Variants in DELE1 observed in about 807,000 individuals in gnomAD.
DELE1 encodes the protein death ligand signal enhancer.
A neutral mutation model predicts 59.3 loss-of-function variants in DELE1; 54 were observed. That is an observed-to-expected ratio of 0.91 (90% confidence interval 0.73 to 1.14). The LOEUF (loss-of-function observed/expected upper bound fraction) is 1.14, where lower values mean the gene tolerates loss of function less well. DELE1 is among the 50% of genes most tolerant of loss of function. The probability of loss-of-function intolerance (pLI) is 0.00; values close to 1 mark genes in which losing one functional copy is unlikely to be tolerated. For synonymous variants in DELE1, 264 were observed against 259.1 expected (o/e 1.02, Z -0.18); for missense variants, 636 against 643.9 (o/e 0.99, Z 0.13).
At chr5:141,937,425 T>A in intron 11 of DELE1, 68 bp downstream of exon 11, 2 of 1,549,620 alleles carry the variant, frequency 1.3e-6, no homozygotes, top group South Asian at 1.1e-5. Context: ...GATAAGTAGG[T>A]AGCAGTAGTC....
chr5:141,923,985 C>T lies in DELE1; in HGVS notation c.31+13C>T. ...CTCCTGGGCCGAGGTAAGGGACGTCCAAGCAACCAGCGTCACTCTGGGCCG... is the reference window on the plus strand; with the variant it reads ...CTCCTGGGCCGAGGTAAGGGACGTCTAAGCAACCAGCGTCACTCTGGGCCG... On this transcript the variant is annotated intron_variant, in intron 1 of 11. Transcript: ENST00000432126. 1 of 1,608,816 alleles carries T rather than the reference C, an allele frequency of 6.2e-7. No individual in the cohort carries two copies. The highest frequency in any genetic ancestry group is 8.5e-7 in the Non-Finnish European group (1 of 1,177,794).
chr5:141,924,109 GA>G lies in DELE1; in HGVS notation c.31+139del, dbSNP rs1751166194. On this transcript the variant is annotated intron_variant, in intron 1 of 11. Coordinates refer to ENST00000432126, the MANE Select transcript of DELE1 (RefSeq NM_014773.5). ...AAGGCGGGGCTTGAAAGAGGGCGGG[GA>G]AGTCAGGGGCTGCTGGAATTTGAGA... The G allele has an allele frequency of 9.7e-6, 11 of 1,138,974 alleles. 1 individual carries two copies. The South Asian group carries it at 1.1e-4, about 11-fold the overall frequency. 70.6% of individuals were successfully genotyped at this position (1,138,974 alleles called of 1,614,324 possible).
chr5:141,926,260 A>G (rs1751413729), intron 3 of DELE1, among the ~76,000 whole-genome samples: 1 of 152,118 alleles, frequency 6.6e-6, no homozygotes, highest in Admixed American at 6.6e-5. Flanking sequence ...GGGAAATATC[A>G]CCTTCATTTT....
chr5:141,939,464 C>T lies in DELE1; in HGVS notation c.*705C>T, dbSNP rs535801780. 44 of 985,858 alleles carry T rather than the reference C, an allele frequency of 4.5e-5. No individual in the cohort carries two copies. In the East Asian group the frequency reaches 5.7e-4, roughly 13 times the overall value. The allele number at this position is 985,858 out of a possible 1,614,324, so 61.1% of individuals were successfully genotyped here. On this transcript the variant is annotated 3_prime_UTR_variant, in exon 12 of 12. Coordinates refer to ENST00000432126, the MANE Select transcript of DELE1 (RefSeq NM_014773.5). ...CCACCATTCACCTCTGTTCATCCCC[C>T]GTGGGCTCATAATCGTTTTCATTTC...
chr5:141,941,839 C>A lies in DELE1; in HGVS notation c.*3080C>A, dbSNP rs1752756814. The A allele has an allele frequency of 3.0e-6, 3 of 985,364 alleles. No homozygotes were observed. The highest frequency in any genetic ancestry group is 3.6e-6 in the Non-Finnish European group (3 of 829,916). 61.0% of individuals were successfully genotyped at this position (985,364 alleles called of 1,614,324 possible). On this transcript the variant is annotated 3_prime_UTR_variant, in exon 12 of 12. Coordinates refer to ENST00000432126, the MANE Select transcript of DELE1 (RefSeq NM_014773.5). ...GTGAGTGATTATACTCAACTCCCCC[C>A]ACCCAATGCCCAGCACCAAGCCTAC...
chr5:141,925,936 G>A (rs961669140), intron 3 of DELE1, among the ~76,000 whole-genome samples: 1 of 152,006 alleles, frequency 6.6e-6, no homozygotes, highest in African/African-American at 2.4e-5. Flanking sequence ...CTGAAGTGCA[G>A]CGGCATGATC....
chr5:141,937,441 TCTC>T (rs1043162518), intron 11 of DELE1, 84 bp downstream of exon 11: 6 of 1,489,062 alleles, frequency 4.0e-6, no homozygotes, highest in Non-Finnish European at 5.5e-6. Context: ...TAGTCTCTGG[TCTC>T]CTAGTCATTT....
In DELE1 at chr5:141,925,400, C is replaced by T. The variant is rs779713624; in HGVS notation, c.147-10C>T. 22 of 1,545,992 alleles carry T rather than the reference C, an allele frequency of 1.4e-5. No homozygotes were observed. The highest frequency in any genetic ancestry group is 1.9e-5 in the Non-Finnish European group (22 of 1,142,518). ...GCCCCTACTTGATAGCCTCTTATTT[C>T]ATCATCTAGGTCAGGTCCCCATGGC... is the stretch of plus-strand genomic sequence containing the variant. On this transcript the variant is annotated splice_polypyrimidine_tract_variant and intron_variant, in intron 2 of 11. Transcript: ENST00000432126.
chr5:141,934,037 A>G (rs1395929469), intron 8 of DELE1, among the ~76,000 whole-genome samples: 1 of 152,136 alleles, frequency 6.6e-6, no homozygotes, highest in Admixed American at 6.5e-5. Flanking sequence ...TTTAAGCAAG[A>G]ATGATCTTTA....
intron 7 of DELE1, 94 bp from the exon 8 acceptor site, chr5:141,933,161 AAGGG>A (rs1752072732): frequency 2.9e-6 from 2 of 691,914 alleles, no homozygotes; most frequent in Non-Finnish European, 4.2e-6. Context: ...CAAAAAAAGA[AAGGG>A]AGGAGGATCA....
rs1465703649 is a variant in DELE1 at position 141,930,270 on chromosome 5, C to A, written c.750C>A (p.Phe250Leu). 2 of 1,611,080 alleles carry A rather than the reference C, an allele frequency of 1.2e-6. No homozygotes were observed. Among genetic ancestry groups the A allele is most frequent in the Non-Finnish European group, 8.5e-7 (1 of 1,177,180 alleles). The change falls in exon 7 of 12, where the codon TTC becomes TTA. Residue 250 changes from phenylalanine to leucine, a missense_variant. Physicochemically the swap from Phe to Leu is conservative, Grantham distance 22. Coordinates refer to ENST00000432126, the MANE Select transcript of DELE1 (RefSeq NM_014773.5). Reference protein sequence around the residue: ...FQLSVSIAFNFLGTENMKSGD... With the variant: ...FQLSVSIAFNLLGTENMKSGD... ...TCAGTGTTTCCATCGCTTTCAACTT[C>A]CTGGGTAACCAAATGGACCCTGCCC... is the stretch of plus-strand genomic sequence containing the variant.
At position 141,929,265 on chromosome 5, in the gene DELE1, T is replaced by C. The variant is rs187804605; in HGVS notation, c.413-317T>C. Among the ~76,000 whole-genome samples, 15 of 152,312 alleles carry C rather than the reference T, an allele frequency of 9.8e-5. 1 individual carries two copies. Among genetic ancestry groups the C allele is most frequent in the Non-Finnish European group, 2.2e-4 (15 of 68,014 alleles). ...GACCTGATCACTCTTTTTTTTTCTT[T>C]TGAGACACAGTCTTGCTCTGTCACC... On this transcript the variant is annotated intron_variant, in intron 4 of 11. Coordinates refer to ENST00000432126, the MANE Select transcript of DELE1 (RefSeq NM_014773.5).
Position 141,934,529 on chromosome 5 carries a change from G to A in DELE1, c.1092G>A (p.Glu364=), listed in dbSNP as rs761342612. 2.3e-5 allele frequency: 37 copies of A among 1,614,156 alleles called. No individual in the cohort carries two copies. The African/African-American group carries it at 2.4e-4, about 10-fold the overall frequency. Residue 364 remains glutamate, a synonymous_variant, in exon 10 of 12, where the codon GAG becomes GAA. Transcript: ENST00000432126. The part of the protein sequence containing the change: ...QAFLGVLFTK[E]PYLDEQRAVK... The stretch of plus-strand genomic sequence containing the variant: ...TCCTCGGGGTGCTTTTCACCAAGGA[G>A]CCCTACCTGGATGAGCAGAGAGCTG...
chr5:141,934,818 T>A (rs1752232548), intron 10 of DELE1: 3 of 549,918 alleles, frequency 5.5e-6, no homozygotes, highest in Middle Eastern at 4.7e-4. Context: ...AAATCTGCTA[T>A]GGTGGGAATA....
intron 4 of DELE1, 121 bp downstream of exon 4, chr5:141,928,419 T>G: frequency 8.2e-7 from 1 of 1,216,186 alleles, no homozygotes; most frequent in Non-Finnish European, 1.1e-6. Flanking sequence ...CTATCTGAAG[T>G]CAGAGGAAGA....
In DELE1 at chr5:141,933,312, A is replaced by G. The variant is rs755727565; in HGVS notation, c.808A>G (p.Lys270Glu). ...DHTAAFSYFQ[K>E]AAARGYSKAQ... ...CACGGCAGCCTTTTCTTACTTCCAG[A>G]AAGCTGCAGCCCGCGGCTACAGCAA... Residue 270 changes from lysine to glutamate, a missense_variant, in exon 8 of 12, where the codon AAA becomes GAA. Lys to Glu is a moderately conservative substitution (Grantham distance 56). Transcript: ENST00000432126. 5 of 1,572,274 alleles carry G rather than the reference A, an allele frequency of 3.2e-6. No homozygotes were observed. The highest frequency in any genetic ancestry group is 4.3e-6 in the Non-Finnish European group (5 of 1,149,868).
rs549463010 is a variant in DELE1, at chr5:141,926,023, G to A, written c.264+496G>A. Among the ~76,000 whole-genome samples the A allele has an allele frequency of 7.9e-5, 12 of 152,128 alleles. No individual in the cohort carries two copies. In the South Asian group the frequency reaches 2.3e-3, roughly 29 times the overall value. Reference sequence around the variant, plus strand: ...GCCTCCCAAGTAGCTGGGATTACAGGCACGTGCCACCACGCCTGGATAATT... The same window carrying A: ...GCCTCCCAAGTAGCTGGGATTACAGACACGTGCCACCACGCCTGGATAATT... On this transcript the variant is annotated intron_variant, in intron 3 of 11. Coordinates refer to ENST00000432126, the MANE Select transcript of DELE1 (RefSeq NM_014773.5).
chr5:141,928,372 C>T (rs774917949), intron 4 of DELE1, 74 bp downstream of exon 4: 32 of 1,500,912 alleles, frequency 2.1e-5, no homozygotes, highest in Non-Finnish European at 2.7e-5. Flanking sequence ...TCTGGACACA[C>T]CTCAGGAAAA....
chr5:141,938,390 T>G (rs1752533366), intron 11 of DELE1, 131 bp from the exon 12 acceptor site: 7 of 1,383,756 alleles, frequency 5.1e-6, no homozygotes, highest in Admixed American at 2.3e-5. Flanking sequence ...AGAGCCCTGC[T>G]CACTCATGAG....
Sources: allele counts gnomAD v4.1 joint callset (sites outside exome capture counted in the v4.1 genomes callset), GRCh38; gene constraint gnomAD v4.1.1; transcripts MANE v1.5; gene names NCBI Gene and HGNC (gene_info 2026-07-23, HGNC 2026-07-21).